CTNNA2: variants seen among roughly 807,000 people sequenced by gnomAD.
CTNNA2 encodes catenin alpha 2.
A neutral mutation model predicts 101.0 loss-of-function variants in CTNNA2; 42 were observed. The ratio of observed to expected loss-of-function variants is 0.42; its 90% CI spans 0.32 to 0.54. The LOEUF (loss-of-function observed/expected upper bound fraction) is 0.54, where lower values mean the gene tolerates loss of function less well. Among genes scored for constraint, CTNNA2 ranks in the 20% least tolerant of loss-of-function variants. The pLI, the probability that CTNNA2 is intolerant of heterozygous loss-of-function variation, is 0.14. For missense variants in CTNNA2, 871 were observed against 1,223.1 expected, an observed-to-expected ratio of 0.71 and a Z score of 4.29; for synonymous variants, 450 against 456.4, an observed-to-expected ratio of 0.99 and a Z score of 0.18.
chr2:80,226,660 G>C (rs1057411882), intron 7 of CTNNA2, among the ~76,000 whole-genome samples: 2 of 152,006 alleles, frequency 1.3e-5, no homozygotes, highest in Non-Finnish European at 2.9e-5. Flanking sequence ...TTTTTCCCTC[G>C]AGCTTGAATT....
intron 1 of CTNNA2, among the ~76,000 whole-genome samples, chr2:79,600,496 C>T (rs1414085757): frequency 6.6e-6 from 1 of 152,034 alleles, no homozygotes; most frequent in Non-Finnish European, 1.5e-5. Flanking sequence ...TTGTTAAAAG[C>T]AGATGTGTGA....
chr2:79,244,659 A>G (rs993603506), intron 2 of CTNNA2, among the ~76,000 whole-genome samples: 2 of 152,234 alleles, frequency 1.3e-5, no homozygotes, highest in Non-Finnish European at 2.9e-5. Flanking sequence ...TGTAAGCTCC[A>G]TGATAGCAGC....
intron 11 of CTNNA2, among the ~76,000 whole-genome samples, chr2:80,546,796 C>T (rs1197965013): frequency 6.6e-6 from 1 of 152,188 alleles, no homozygotes; most frequent in Non-Finnish European, 1.5e-5. Flanking sequence ...TTTGACCTAA[C>T]TTATTTGGCC....
At chr2:79,539,371 G>C (rs1225415037) in intron 1 of CTNNA2, among the ~76,000 whole-genome samples, 1 of 152,216 alleles carries the variant, frequency 6.6e-6, no homozygotes, top group Non-Finnish European at 1.5e-5. Flanking sequence ...GGAAATGCTG[G>C]AGGTGATAGA....
intron 1 of CTNNA2, among the ~76,000 whole-genome samples, chr2:79,189,457 C>G (rs779776872): frequency 8.6e-5 from 13 of 151,958 alleles, no homozygotes; most frequent in Non-Finnish European, 1.5e-4. Context: ...CTTCTCTGTT[C>G]TTTTAAAATG....
chr2:79,455,690 T>C (rs1200345896), intron 4 of CTNNA2, among the ~76,000 whole-genome samples: 1 of 152,148 alleles, frequency 6.6e-6, no homozygotes, highest in African/African-American at 2.4e-5. Context: ...ATCAAAGAAA[T>C]AGTCGTATAA....
chr2:79,505,385 A>C (rs2103811117), intron 5 of CTNNA2, among the ~76,000 whole-genome samples: 1 of 152,302 alleles, frequency 6.6e-6, no homozygotes, highest in African/African-American at 2.4e-5. Context: ...GGACTGATAC[A>C]GTCATAAAAC....
chr2:79,992,477 G>T (rs867674918), intron 7 of CTNNA2, among the ~76,000 whole-genome samples: 6 of 152,244 alleles, frequency 3.9e-5, no homozygotes, highest in Middle Eastern at 3.4e-3. Context: ...TTTTACAGTT[G>T]TTGGTAAAAA....
At chr2:79,619,350 A>G (rs1678850747) in intron 1 of CTNNA2, among the ~76,000 whole-genome samples, 1 of 152,232 alleles carries the variant, frequency 6.6e-6, no homozygotes, top group African/African-American at 2.4e-5. Flanking sequence ...ATAATTGAGT[A>G]TTAGCTCCAG....
At chr2:79,692,584 T>C (rs1249886021) in intron 2 of CTNNA2, among the ~76,000 whole-genome samples, 1 of 152,094 alleles carries the variant, frequency 6.6e-6, no homozygotes, top group African/African-American at 2.4e-5. Context: ...CATATGTTTA[T>C]TGCAGCACTG....
chr2:79,248,384 TATA>T (rs1227944672), intron 2 of CTNNA2, among the ~76,000 whole-genome samples: 1 of 151,142 alleles, frequency 6.6e-6, no homozygotes, highest in East Asian at 1.9e-4. Flanking sequence ...ATCAAAAAAG[TATA>T]ATTTCTATAT....
At chr2:80,310,718 A>G (rs1677482695) in intron 7 of CTNNA2, among the ~76,000 whole-genome samples, 3 of 152,132 alleles carry the variant, frequency 2.0e-5, no homozygotes, top group African/African-American at 7.2e-5. Flanking sequence ...TTTATTATAA[A>G]AAATGTACTT....
At chr2:80,396,938 G>A (rs1031371489) in intron 8 of CTNNA2, among the ~76,000 whole-genome samples, 3 of 152,146 alleles carry the variant, frequency 2.0e-5, no homozygotes, top group African/African-American at 7.2e-5. Flanking sequence ...TTTTAACAAT[G>A]AGAATTTATA....
At chr2:80,113,371 C>T (rs573052890) in intron 7 of CTNNA2, among the ~76,000 whole-genome samples, 9 of 152,260 alleles carry the variant, frequency 5.9e-5, no homozygotes, top group African/African-American at 2.2e-4. Context: ...TACAGGCGTA[C>T]ACAAGTTATT....
At chr2:80,510,541 T>C (rs1688625872) in intron 9 of CTNNA2, among the ~76,000 whole-genome samples, 1 of 152,222 alleles carries the variant, frequency 6.6e-6, no homozygotes, top group Non-Finnish European at 1.5e-5. Flanking sequence ...CCTTGATATA[T>C]CATACATGCC....
chr2:80,573,787 G>A (rs1407554881), intron 12 of CTNNA2, among the ~76,000 whole-genome samples: 1 of 152,176 alleles, frequency 6.6e-6, no homozygotes. Flanking sequence ...AAAGAAACAG[G>A]TTAAAACGTG....
chr2:79,275,928 A>G (rs775235469), intron 2 of CTNNA2, among the ~76,000 whole-genome samples: 15 of 152,058 alleles, frequency 9.9e-5, no homozygotes, highest in Admixed American at 4.6e-4. Context: ...GTGTTACAGA[A>G]GAAAGGAGCA....
At chr2:80,617,936 A>AT (rs902069707) in intron 17 of CTNNA2, among the ~76,000 whole-genome samples, 3 of 151,638 alleles carry the variant, frequency 2.0e-5, no homozygotes, top group Non-Finnish European at 2.9e-5. Context: ...GGTTTCCTAA[A>AT]TTTTTTTCTG....
intron 1 of CTNNA2, among the ~76,000 whole-genome samples, chr2:79,563,460 G>C (rs71424886): frequency 6.6e-6 from 1 of 151,940 alleles, no homozygotes; most frequent in Non-Finnish European, 1.5e-5. Flanking sequence ...TCACTGTATA[G>C]GGAAAGGCAT....
Sources: gnomAD v4.1 joint callset for allele counts (sites outside exome capture counted in the v4.1 genomes callset) on GRCh38, gnomAD v4.1.1 for gene constraint, MANE v1.5 for transcripts, NCBI Gene and HGNC (gene_info 2026-07-23, HGNC 2026-07-21) for gene names.